RALY: variants seen among roughly 807,000 people sequenced by gnomAD.
RALY encodes the protein RNA-binding protein Raly.
Under a neutral mutation model 30.7 loss-of-function variants are expected in RALY, and 15 were observed. The ratio of observed to expected loss-of-function variants is 0.49; its 90% confidence interval spans 0.33 to 0.75. RALY has a LOEUF of 0.75. Among genes scored for constraint, RALY ranks in the 30% least tolerant of loss-of-function variants. The pLI, the probability that RALY is intolerant of heterozygous loss-of-function variation, is 0.02. For missense variants in RALY, 339 were observed against 414.3 expected, an observed-to-expected ratio of 0.82 and a Z score of 1.58; for synonymous variants, 177 against 170.8, an observed-to-expected ratio of 1.04 and a Z score of -0.28.
chr20:34,021,421 A>G (rs1192890589), intron 1 of RALY, among the ~76,000 whole-genome samples: 1 of 152,188 alleles, frequency 6.6e-6, no homozygotes, highest in Non-Finnish European at 1.5e-5. Context: ...GTTGCTGCAT[A>G]AAAACCTGGC....
At chr20:34,062,773 CA>C (rs1237485437) in intron 2 of RALY, among the ~76,000 whole-genome samples, 1 of 152,218 alleles carries the variant, frequency 6.6e-6, no homozygotes, top group Non-Finnish European at 1.5e-5. Flanking sequence ...ACTTCATTTA[CA>C]GAACAGAATA....
intron 2 of RALY, among the ~76,000 whole-genome samples, chr20:34,040,944 A>G (rs1004054335): frequency 6.6e-6 from 1 of 152,110 alleles, no homozygotes; most frequent in Admixed American, 6.5e-5. Flanking sequence ...GTACCCAAGA[A>G]TAGGCGTTTG....
At chr20:33,995,354 T>G (rs1318399126) in intron 1 of RALY, among the ~76,000 whole-genome samples, 1 of 152,184 alleles carries the variant, frequency 6.6e-6, no homozygotes, top group Non-Finnish European at 1.5e-5. Context: ...TGTGGTGTGT[T>G]CCTCCTCCCA....
chr20:34,033,781 CCCTGA>C (rs1181684116), intron 2 of RALY, among the ~76,000 whole-genome samples: 1 of 152,124 alleles, frequency 6.6e-6, no homozygotes, highest in African/African-American at 2.4e-5. Flanking sequence ...GCGTCCCAGT[CCCTGA>C]CCTGTTTGCC....
rs73904767 is a variant in RALY at position 34,074,067 on chromosome 20, A to G, written c.377+201A>G. On this transcript the variant is annotated intron_variant, in intron 5 of 9. Transcript: ENST00000246194. ...CAGGCCAGAGCTCCTACCACCATACAACACTGTCTGCCATGCTAACTGCCC... is the reference window on the plus strand; with the variant it reads ...CAGGCCAGAGCTCCTACCACCATACGACACTGTCTGCCATGCTAACTGCCC... Among the ~76,000 whole-genome samples, 910 of 152,232 alleles carry G rather than the reference A, an allele frequency of 6.0e-3. 8 individuals carry two copies. The highest frequency in any genetic ancestry group is 0.021 in the African/African-American group (861 of 41,512).
intron 1 of RALY, among the ~76,000 whole-genome samples, chr20:34,019,562 G>T (rs2031737368): frequency 6.6e-6 from 1 of 152,192 alleles, no homozygotes; most frequent in African/African-American, 2.4e-5. Context: ...AGATCCCCAT[G>T]TTCTAGTAAT....
intron 2 of RALY, among the ~76,000 whole-genome samples, chr20:34,045,118 C>A (rs2032834554): frequency 6.6e-6 from 1 of 151,922 alleles, no homozygotes; most frequent in South Asian, 2.1e-4. Flanking sequence ...CCCTACGTTG[C>A]CTAGGATGGT....
intron 2 of RALY, among the ~76,000 whole-genome samples, chr20:34,041,415 T>C (rs78197173): frequency 0.011 from 1,627 of 152,342 alleles, 34 homozygotes; most frequent in African/African-American, 0.038. Context: ...TGCCTTTATG[T>C]GACAGAGCCA....
Position 34,077,014 on chromosome 20 carries a change from C to T in RALY, c.659-14C>T, listed in dbSNP as rs2033900520. ...TGAGTTTTATTCTCCCCTCCTCCACCCCTTCCCCTCAAGATGGCAAGAAGA... is the reference window on the plus strand; with the variant it reads ...TGAGTTTTATTCTCCCCTCCTCCACTCCTTCCCCTCAAGATGGCAAGAAGA... On this transcript the variant is annotated splice_polypyrimidine_tract_variant and intron_variant, in intron 7 of 9. Transcript: ENST00000246194. 4 of 1,610,454 alleles carry T rather than the reference C, an allele frequency of 2.5e-6. No individual in the cohort carries two copies. Among genetic ancestry groups the T allele is most frequent in the South Asian group, 2.2e-5 (2 of 90,616 alleles).
At chr20:34,011,291 A>T (rs2031388678) in intron 1 of RALY, among the ~76,000 whole-genome samples, 1 of 152,194 alleles carries the variant, frequency 6.6e-6, no homozygotes, top group Non-Finnish European at 1.5e-5. Flanking sequence ...TTTGACTTCT[A>T]CCCCAGGGTG....
intron 1 of RALY, among the ~76,000 whole-genome samples, chr20:34,020,027 T>C (rs1291719120): frequency 6.6e-6 from 1 of 151,986 alleles, no homozygotes; most frequent in African/African-American, 2.4e-5. Flanking sequence ...CGCCACTGCA[T>C]TCCAGCCTGG....
chr20:34,055,854 TCC>T (rs1421687377), intron 2 of RALY, among the ~76,000 whole-genome samples: 6 of 152,328 alleles, frequency 3.9e-5, no homozygotes, highest in African/African-American at 1.4e-4. Context: ...AGTTAATGGA[TCC>T]ATGGGCACTA....
chr20:33,996,222 G>A (rs1381838842), intron 1 of RALY, among the ~76,000 whole-genome samples: 2 of 152,142 alleles, frequency 1.3e-5, no homozygotes, highest in Non-Finnish European at 2.9e-5. Flanking sequence ...AAGTAGTGAG[G>A]ACAAGACACC....
chr20:34,051,157 C>T (rs1314952132), intron 2 of RALY, among the ~76,000 whole-genome samples: 4 of 152,132 alleles, frequency 2.6e-5, no homozygotes, highest in Admixed American at 1.3e-4. Flanking sequence ...CCCTTTCATA[C>T]GTGTTACTGC....
chr20:34,076,842 C>A (rs753918214), intron 7 of RALY, 27 bp downstream of exon 7: 2 of 1,609,980 alleles, frequency 1.2e-6, no homozygotes, highest in African/African-American at 2.7e-5. Context: ...TCTCACCCAC[C>A]TCCATGACCA....
intron 2 of RALY, among the ~76,000 whole-genome samples, chr20:34,041,161 G>A (rs1346700997): frequency 2.0e-5 from 3 of 152,184 alleles, no homozygotes; most frequent in African/African-American, 7.2e-5. Flanking sequence ...GTTGAATAGA[G>A]AGAGTATTTC....
At chr20:34,025,184 T>G (rs2031972083) in intron 1 of RALY, among the ~76,000 whole-genome samples, 1 of 152,128 alleles carries the variant, frequency 6.6e-6, no homozygotes, top group South Asian at 2.1e-4. Context: ...AGGCTGAGAT[T>G]ATCTCCCGTG....
At chr20:34,009,215 G>A (rs2031292230) in intron 1 of RALY, among the ~76,000 whole-genome samples, 2 of 151,528 alleles carry the variant, frequency 1.3e-5, no homozygotes, top group Admixed American at 6.6e-5. Context: ...GTTTTGTTTT[G>A]TTTTGGTGTG....
At chr20:34,028,705 C>CA (rs71338492) in intron 1 of RALY, among the ~76,000 whole-genome samples, 3,232 of 20,430 alleles carry the variant, frequency 0.16, 1,013 homozygotes, top group African/African-American at 0.21. Context: ...GACTCCATCT[C>CA]AAAAAAAAAA....
Sources: gnomAD v4.1 joint callset for allele counts (sites outside exome capture counted in the v4.1 genomes callset) on GRCh38, gnomAD v4.1.1 for gene constraint, MANE v1.5 for transcripts, NCBI Gene and HGNC (gene_info 2026-07-23, HGNC 2026-07-21) for gene names.